Variants in WDR72 observed in about 807,000 individuals in gnomAD.
WDR72 encodes WD repeat domain 72.
In WDR72, 120 loss-of-function variants were observed where a neutral mutation model predicts 124.2. The observed-to-expected ratio is 0.97, with a 90% CI of 0.83 to 1.12. The LOEUF (loss-of-function observed/expected upper bound fraction) is 1.12, where lower values mean the gene tolerates loss of function less well. Among genes scored for constraint, WDR72 ranks in the 50% most tolerant of loss-of-function variants. The pLI, the probability that WDR72 is intolerant of heterozygous loss-of-function variation, is 0.00. For synonymous variants in WDR72, 452 were observed against 441.7 expected (o/e 1.02, Z -0.29); for missense variants, 1,387 against 1,278.8 (o/e 1.08, Z -1.29).
chr15:53,677,494 A>C (rs2016215645), intron 13 of WDR72, among the ~76,000 whole-genome samples: 1 of 152,148 alleles, frequency 6.6e-6, no homozygotes, highest in African/African-American at 2.4e-5. Context: ...AGCTCTCATA[A>C]TTCCCATGTG....
chr15:53,699,749 C>G lies in WDR72; in HGVS notation c.1765+1G>C. ...ATGAAAGGGATAAAATTTCAACTTACCTGTTTCAATTTCCCAGATATAAAC... is the reference window on the plus strand; with the variant it reads ...ATGAAAGGGATAAAATTTCAACTTAGCTGTTTCAATTTCCCAGATATAAAC... On this transcript the variant is annotated splice_donor_variant, in intron 13 of 19. Coordinates refer to ENST00000360509, the MANE Select transcript of WDR72 (RefSeq NM_182758.4). LOFTEE classifies it high-confidence loss of function. The G allele has an allele frequency of 6.2e-7, 1 of 1,613,940 alleles. No homozygotes were observed. Among genetic ancestry groups the G allele is most frequent in the Non-Finnish European group, 8.5e-7 (1 of 1,179,838 alleles).
chr15:53,647,477 C>T (rs2140421622), intron 14 of WDR72, among the ~76,000 whole-genome samples: 1 of 152,052 alleles, frequency 6.6e-6, no homozygotes, highest in African/African-American at 2.4e-5. Context: ...AAAGAGAAAC[C>T]ACACTTTTCC....
chr15:53,702,067 C>T (rs2017196229), intron 12 of WDR72, 67 bp downstream of exon 12: 1 of 1,228,360 alleles, frequency 8.1e-7, no homozygotes. Context: ...TTTTACTTGT[C>T]TTATTAAGTA....
intron 2 of WDR72, among the ~76,000 whole-genome samples, chr15:53,730,606 C>T (rs555212544): frequency 6.6e-6 from 1 of 152,162 alleles, no homozygotes; most frequent in South Asian, 2.1e-4. Flanking sequence ...AAATGGCTCC[C>T]TGTTCACTTT....
chr15:53,643,693 T>C (rs547821184), intron 14 of WDR72, among the ~76,000 whole-genome samples: 38 of 152,202 alleles, frequency 2.5e-4, no homozygotes, highest in South Asian at 8.3e-4. Flanking sequence ...ATCCCAGATA[T>C]TGTTTGCTTA....
chr15:53,652,302 T>C (rs757280580), intron 14 of WDR72, among the ~76,000 whole-genome samples: 1 of 152,250 alleles, frequency 6.6e-6, no homozygotes, highest in Non-Finnish European at 1.5e-5. Flanking sequence ...CTGGGGCTGC[T>C]AATCCAGTAT....
chr15:53,607,348 C>A (rs2013329994), intron 17 of WDR72, among the ~76,000 whole-genome samples: 1 of 151,974 alleles, frequency 6.6e-6, no homozygotes, highest in Non-Finnish European at 1.5e-5. Context: ...TGGAAGAGAA[C>A]AGAGAACCTA....
Position 53,515,091 on chromosome 15 carries a change from A to ATGTTTG in WDR72, c.*2607_*2608insCAAACA, listed in dbSNP as rs1427910109. The ATGTTTG allele has an allele frequency of 3.7e-5, 1 of 26,870 alleles. No homozygotes were observed. Among genetic ancestry groups the ATGTTTG allele is most frequent in the Non-Finnish European group, 1.1e-4 (1 of 8,792 alleles). 1.7% of individuals were successfully genotyped at this position (26,870 alleles called of 1,614,324 possible). The stretch of plus-strand genomic sequence containing the variant: ...CACACATATATATGTATGTATACAC[A>ATGTTTG]CACACACACACACACAAATACATTC... On this transcript the variant is annotated 3_prime_UTR_variant, in exon 20 of 20. Coordinates refer to ENST00000360509, the MANE Select transcript of WDR72 (RefSeq NM_182758.4).
At chr15:53,541,764 A>G (rs1281926791) in intron 18 of WDR72, among the ~76,000 whole-genome samples, 2 of 122,238 alleles carry the variant, frequency 1.6e-5, no homozygotes, top group Admixed American at 8.5e-5. Context: ...AGAAGAATGT[A>G]TAACTAGAAT....
chr15:53,677,425 T>A (rs1327272148), intron 13 of WDR72, among the ~76,000 whole-genome samples: 5 of 152,172 alleles, frequency 3.3e-5, no homozygotes, highest in Non-Finnish European at 7.3e-5. Context: ...TTTAAAGCAT[T>A]CTATTTCCAA....
chr15:53,600,197 G>C (rs1353929441), intron 17 of WDR72, among the ~76,000 whole-genome samples: 1 of 152,046 alleles, frequency 6.6e-6, no homozygotes, highest in Non-Finnish European at 1.5e-5. Flanking sequence ...AATAAACTGT[G>C]GGAAGTATAA....
chr15:53,561,733 A>G (rs778765783), intron 18 of WDR72, among the ~76,000 whole-genome samples: 9 of 151,794 alleles, frequency 5.9e-5, no homozygotes, highest in Non-Finnish European at 1.2e-4. Flanking sequence ...CTCTGTCTGC[A>G]TTTTAGGTTC....
chr15:53,587,737 A>G (rs2012291860), intron 18 of WDR72, among the ~76,000 whole-genome samples: 1 of 151,962 alleles, frequency 6.6e-6, no homozygotes, highest in Non-Finnish European at 1.5e-5. Context: ...TATATAGACC[A>G]TGTTCTTAGG....
At chr15:53,747,087 C>T (rs1335917293) in intron 1 of WDR72, among the ~76,000 whole-genome samples, 1 of 152,160 alleles carries the variant, frequency 6.6e-6, no homozygotes, top group Non-Finnish European at 1.5e-5. Flanking sequence ...AACCAAGCAG[C>T]CTCTGCAGTC....
chr15:53,628,413 A>T (rs1199616977), intron 14 of WDR72, among the ~76,000 whole-genome samples: 2 of 152,168 alleles, frequency 1.3e-5, no homozygotes, highest in Non-Finnish European at 2.9e-5. Context: ...ATTAAAAAAA[A>T]GTTGACACCC....
chr15:53,750,840 CT>C (rs1237118061), intron 1 of WDR72, among the ~76,000 whole-genome samples: 1 of 152,066 alleles, frequency 6.6e-6, no homozygotes, highest in East Asian at 1.9e-4. Flanking sequence ...TAAAAGTAGT[CT>C]GAAGAGGGAC....
chr15:53,688,921 G>A (rs1205250848), intron 13 of WDR72, among the ~76,000 whole-genome samples: 3 of 152,012 alleles, frequency 2.0e-5, no homozygotes, highest in East Asian at 1.9e-4. Context: ...CATATCTACA[G>A]CTATCTGATC....
upstream of WDR72, among the ~76,000 whole-genome samples, chr15:53,761,177 G>A (rs8035071): frequency 0.27 from 40,813 of 151,942 alleles, 6,772 homozygotes; most frequent in East Asian, 0.4. Flanking sequence ...GACATTTTTC[G>A]AAAGAAGGCA....
intron 18 of WDR72, among the ~76,000 whole-genome samples, chr15:53,592,322 T>G (rs1482422695): frequency 1.3e-5 from 2 of 152,008 alleles, no homozygotes; most frequent in Non-Finnish European, 2.9e-5. Flanking sequence ...GAAAAAAAGA[T>G]GCACTTACTA....
Sources: allele counts gnomAD v4.1 joint callset (sites outside exome capture counted in the v4.1 genomes callset), GRCh38; gene constraint gnomAD v4.1.1; transcripts MANE v1.5; gene names NCBI Gene and HGNC (gene_info 2026-07-23, HGNC 2026-07-21).